GK5: variants seen among roughly 807,000 people sequenced by gnomAD.
GK5 encodes ATP:glycerol 3-phosphotransferase 5.
Under a neutral mutation model 77.3 loss-of-function variants are expected in GK5, and 39 were observed. The observed-to-expected ratio is 0.50, with a 90% confidence interval of 0.39 to 0.66. GK5 has a LOEUF of 0.66. GK5 is among the 30% of genes least tolerant of loss of function. The pLI is 0.00. For synonymous variants in GK5, 211 were observed against 208.0 expected, an observed-to-expected ratio of 1.01 and a Z score of -0.13; for missense variants, 487 against 633.8, an observed-to-expected ratio of 0.77 and a Z score of 2.49.
At chr3:142,216,086 T>C (rs2064274041) in intron 1 of GK5, among the ~76,000 whole-genome samples, 1 of 152,170 alleles carries the variant, frequency 6.6e-6, no homozygotes, top group Admixed American at 6.5e-5. Flanking sequence ...ATATAACACC[T>C]GGACAGAATG....
rs376817291 is a variant in GK5 at position 142,166,762 on chromosome 3, T to C, written c.1442-992A>G. 2.0e-5 allele frequency among the ~76,000 whole-genome samples: 3 copies of C among 152,266 alleles called. No individual in the cohort carries two copies. The East Asian group carries it at 5.8e-4, about 30-fold the overall frequency. ...GTTGGCCAGGCTGGTCTCAAACTCCTGGCCTCAAATGATCCGCCCTCCTCA... is the reference window on the plus strand; with the variant it reads ...GTTGGCCAGGCTGGTCTCAAACTCCCGGCCTCAAATGATCCGCCCTCCTCA... On this transcript the variant is annotated intron_variant, in intron 15 of 15. Coordinates refer to ENST00000392993, the MANE Select transcript of GK5 (RefSeq NM_001039547.3).
At chr3:142,196,081 T>C (rs1271039057) in intron 5 of GK5, among the ~76,000 whole-genome samples, 1 of 152,192 alleles carries the variant, frequency 6.6e-6, no homozygotes, top group African/African-American at 2.4e-5. Flanking sequence ...TAGGAAATTT[T>C]TCATTTTATC....
At chr3:142,215,358 C>T (rs1328907991) in intron 2 of GK5, among the ~76,000 whole-genome samples, 2 of 152,212 alleles carry the variant, frequency 1.3e-5, no homozygotes, top group Non-Finnish European at 2.9e-5. Context: ...GAGGAAATGG[C>T]GAGCATTTAT....
At position 142,171,495 on chromosome 3, in the gene GK5, A is replaced by G. The variant is rs1577106357; in HGVS notation, c.1248-17T>C. ...TGTTTGTTTCTAGTTAAAAAACAAG[A>G]TAACTATTTATAAGAAATTCATATC... On this transcript the variant is annotated splice_polypyrimidine_tract_variant and intron_variant, in intron 13 of 15. Transcript: ENST00000392993. 1 of 1,369,750 alleles carries G rather than the reference A, an allele frequency of 7.3e-7. No individual in the cohort carries two copies. The highest frequency in any genetic ancestry group is 9.8e-7 in the Non-Finnish European group (1 of 1,015,620). 84.8% of individuals were successfully genotyped at this position (1,369,750 alleles called of 1,614,324 possible).
intron 10 of GK5, among the ~76,000 whole-genome samples, chr3:142,182,275 GACT>G (rs2063706940): frequency 6.6e-6 from 1 of 151,744 alleles, no homozygotes; most frequent in South Asian, 2.1e-4. Flanking sequence ...ACTAGCTGAG[GACT>G]ACCACTCAAA....
chr3:142,184,084 C>T (rs1416186757), intron 9 of GK5, among the ~76,000 whole-genome samples: 7 of 150,754 alleles, frequency 4.6e-5, no homozygotes, highest in Non-Finnish European at 1.0e-4. Flanking sequence ...CGGTGAAACC[C>T]CATCTCTACT....
Position 142,186,444 on chromosome 3 carries a change from AT to A in GK5, c.681+7del, listed in dbSNP as rs1285184474. The A allele has an allele frequency of 1.1e-5, 16 of 1,495,352 alleles. No individual in the cohort carries two copies. Among genetic ancestry groups the A allele is most frequent in the Admixed American group, 2.2e-5 (1 of 46,276 alleles). The allele number at this position is 1,495,352 out of a possible 1,614,324, so 92.6% of individuals were successfully genotyped here. A position where few individuals can be genotyped will look rare whatever the true frequency, so the allele number is the denominator to read the frequency against. ...TGTGATTCAAAAAGAAGAAAAAAAAATTTTTACCTTATATGGGTCAAAAAGT... is the reference window on the plus strand; with the variant it reads ...TGTGATTCAAAAAGAAGAAAAAAAAATTTTACCTTATATGGGTCAAAAAGT... On this transcript the variant is annotated splice_region_variant and intron_variant, in intron 7 of 15. Transcript: ENST00000392993.
intron 2 of GK5, among the ~76,000 whole-genome samples, chr3:142,214,803 C>A (rs1325987558): frequency 6.6e-6 from 1 of 152,128 alleles, no homozygotes; most frequent in Non-Finnish European, 1.5e-5. Context: ...TAATGTTATA[C>A]TTCCTGAGTG....
chr3:142,185,680 A>G (rs1273112242), intron 9 of GK5: 2 of 1,352,890 alleles, frequency 1.5e-6, no homozygotes, highest in East Asian at 6.8e-5. Flanking sequence ...TCTGATAAAC[A>G]ATATACAAGC....
intron 4 of GK5, among the ~76,000 whole-genome samples, chr3:142,199,584 A>G (rs2063987504): frequency 6.6e-6 from 1 of 152,158 alleles, no homozygotes; most frequent in Non-Finnish European, 1.5e-5. Flanking sequence ...TTAAGTTTGC[A>G]CTAACACAGA....
intron 15 of GK5, among the ~76,000 whole-genome samples, chr3:142,165,998 G>T (rs894225135): frequency 2.0e-5 from 3 of 152,156 alleles, no homozygotes; most frequent in Admixed American, 1.3e-4. Context: ...GTTTCTGTGT[G>T]GTGGGACACC....
intron 1 of GK5, among the ~76,000 whole-genome samples, chr3:142,218,722 C>T (rs1244427397): frequency 2.6e-5 from 4 of 152,000 alleles, no homozygotes; most frequent in African/African-American, 7.2e-5. Flanking sequence ...AAGTATAATT[C>T]ATATAACAAA....
At chr3:142,217,350 A>G (rs2064287708) in intron 1 of GK5, among the ~76,000 whole-genome samples, 1 of 152,212 alleles carries the variant, frequency 6.6e-6, no homozygotes, top group Non-Finnish European at 1.5e-5. Flanking sequence ...CATAAAAAAG[A>G]AAAGTTTTAG....
intron 4 of GK5, among the ~76,000 whole-genome samples, chr3:142,203,815 T>C (rs1230888770): frequency 6.6e-6 from 1 of 152,134 alleles, no homozygotes; most frequent in East Asian, 1.9e-4. Flanking sequence ...ATATGGAATA[T>C]TGATTATGAC....
In GK5 at chr3:142,225,351, G is replaced by C; in HGVS notation, c.105C>G (p.Val35=). 1.9e-6 allele frequency: 3 copies of C among 1,573,144 alleles called. No homozygotes were observed. The highest frequency in any genetic ancestry group is 2.6e-6 in the Non-Finnish European group (3 of 1,160,670). Residue 35 remains valine (V), a synonymous_variant, in exon 1 of 16, where the codon GTC becomes GTG. Transcript: ENST00000392993. ...CGCAGACCCGCGCCGCCCGGTCATA[G>C]ACGTGGCAGCGGATCACAGAACTGC... ...DVGSSVIRCH[V]YDRAARVCGS...
At position 142,163,264 on chromosome 3, in the gene GK5, A is replaced by G. The variant is rs2108776642; in HGVS notation, c.*2358T>C. On this transcript the variant is annotated 3_prime_UTR_variant, in exon 16 of 16. Coordinates refer to ENST00000392993, the MANE Select transcript of GK5 (RefSeq NM_001039547.3). ...CAAAGTTACTTTCCAACATTATCTG[A>G]AAAGTATTGATCCTTTTTTTTTTTT... is the stretch of plus-strand genomic sequence containing the variant. The G allele has an allele frequency of 6.8e-6, 1 of 146,770 alleles. No individual in the cohort carries two copies. Among genetic ancestry groups the G allele is most frequent in the South Asian group, 2.1e-4 (1 of 4,680 alleles). The allele number at this position is 146,770 out of a possible 1,614,324, so 9.1% of individuals were successfully genotyped here. A position where few individuals can be genotyped will look rare whatever the true frequency, so the allele number is the denominator to read the frequency against.
At chr3:142,167,969 G>C (rs918340460) in intron 15 of GK5, among the ~76,000 whole-genome samples, 1 of 152,034 alleles carries the variant, frequency 6.6e-6, no homozygotes, top group African/African-American at 2.4e-5. Flanking sequence ...CTGAGATTGC[G>C]CCATTGCACT....
intron 11 of GK5, among the ~76,000 whole-genome samples, chr3:142,178,362 A>G (rs1388407700): frequency 6.6e-6 from 1 of 152,216 alleles, no homozygotes; most frequent in African/African-American, 2.4e-5. Flanking sequence ...GATATATTAA[A>G]AGTCAATTTT....
At chr3:142,186,631 T>A in intron 6 of GK5, 118 bp from the exon 7 acceptor site, 33 of 145,822 alleles carry the variant, frequency 2.3e-4, no homozygotes, top group Middle Eastern at 2.8e-3. Context: ...GTGTATTTTC[T>A]TTTTTTTTTT....
Sources: allele counts gnomAD v4.1 joint callset (sites outside exome capture counted in the v4.1 genomes callset), GRCh38; gene constraint gnomAD v4.1.1; transcripts MANE v1.5; gene names NCBI Gene and HGNC (gene_info 2026-07-23, HGNC 2026-07-21).